FAM81A: variants seen among roughly 807,000 people sequenced by gnomAD.
FAM81A encodes the protein family with sequence similarity 81 member A.
FAM81A carries 19 observed loss-of-function variants against 46.7 expected under a neutral mutation model. The observed-to-expected ratio is 0.41, with a 90% CI of 0.28 to 0.60. The LOEUF is 0.60. Ranked by LOEUF, FAM81A falls within the 20% of genes least tolerant of loss-of-function variation. The pLI is 0.34. For synonymous variants in FAM81A, 183 were observed against 152.9 expected (o/e 1.20, Z -1.45); for missense variants, 377 against 453.5 (o/e 0.83, Z 1.53).
At chr15:59,433,740 A>G (rs1336426067), upstream of FAM81A, among the ~76,000 whole-genome samples, 3 of 152,256 alleles carry the variant, frequency 2.0e-5, no homozygotes, top group Non-Finnish European at 4.4e-5. Flanking sequence ...TATTGTGTTA[A>G]TTGGTTATTA....
chr15:59,516,108 A>G (rs1347472656), intron 7 of FAM81A, among the ~76,000 whole-genome samples: 1 of 150,568 alleles, frequency 6.6e-6, no homozygotes, highest in Non-Finnish European at 1.5e-5. Flanking sequence ...TTGTACTTAC[A>G]TCTCATTGAA....
At chr15:59,452,552 C>CTTGAGCCTAGGAATTGGCTCA (rs2081431662) in intron 1 of FAM81A, among the ~76,000 whole-genome samples, 2 of 152,132 alleles carry the variant, frequency 1.3e-5, no homozygotes, top group Admixed American at 6.5e-5. Flanking sequence ...GAGGCTGAGG[C>CTTGAGCCTAGGAATTGGCTCA]AGGAGGATTG....
intron 3 of FAM81A, among the ~76,000 whole-genome samples, chr15:59,471,085 G>C (rs955868392): frequency 6.6e-6 from 1 of 152,052 alleles, no homozygotes; most frequent in Non-Finnish European, 1.5e-5. Context: ...AAAGTGGTAG[G>C]ATTACAGACA....
intron 3 of FAM81A, among the ~76,000 whole-genome samples, chr15:59,475,150 CTT>C (rs879399876): frequency 1.4e-5 from 2 of 145,606 alleles, no homozygotes. Flanking sequence ...TTTCCAAAAC[CTT>C]TTTTTTTTTT....
In FAM81A at chr15:59,460,634, C is replaced by CA. The variant is rs1488857423; in HGVS notation, c.294+431dup. On this transcript the variant is annotated intron_variant, in intron 3 of 8. Transcript: ENST00000288228. This position sits in a 1 kb window ranked among gnomAD's most constrained non-coding sequence, Gnocchi z 4.4. The stretch of plus-strand genomic sequence containing the variant: ...ATTATATGTAATACAGTTTATTACT[C>CA]AAACAATTTAGGCATTTGGATTGCT... 3 of 242,542 alleles carry CA rather than the reference C, an allele frequency of 1.2e-5. No homozygotes were observed. Among genetic ancestry groups the CA allele is most frequent in the Admixed American group, 5.2e-5 (1 of 19,370 alleles). The allele number at this position is 242,542 out of a possible 1,614,324, so 15.0% of individuals were successfully genotyped here. A position where few individuals can be genotyped will look rare whatever the true frequency, so the allele number is the denominator to read the frequency against.
chr15:59,521,547 T>A lies in FAM81A; in HGVS notation c.*169T>A, dbSNP rs2082328517. On this transcript the variant is annotated 3_prime_UTR_variant, in exon 9 of 9. Coordinates refer to ENST00000288228, the MANE Select transcript of FAM81A (RefSeq NM_152450.3). ...TGTTTACCTTGAGTCTTGAAAATAC[T>A]CTTTTGTTAAAAGTATGAAATACAG... 1 of 644,464 alleles carries A rather than the reference T, an allele frequency of 1.6e-6. No homozygotes were observed. 39.9% of individuals were successfully genotyped at this position (644,464 alleles called of 1,614,324 possible). A position where few individuals can be genotyped will look rare whatever the true frequency, so the allele number is the denominator to read the frequency against.
At chr15:59,467,436 T>A in intron 3 of FAM81A, among the ~76,000 whole-genome samples, 1 of 152,220 alleles carries the variant, frequency 6.6e-6, no homozygotes. Flanking sequence ...CCCTTGTAAG[T>A]TGGATTCCTA....
At chr15:59,440,762 G>A (rs188578535) in intron 1 of FAM81A, among the ~76,000 whole-genome samples, 2 of 152,244 alleles carry the variant, frequency 1.3e-5, no homozygotes, top group Admixed American at 6.5e-5. Flanking sequence ...CAGCCCCTCT[G>A]TGACTCTGTT....
intron 1 of FAM81A, among the ~76,000 whole-genome samples, chr15:59,447,688 C>T (rs1270607123): frequency 2.6e-5 from 4 of 152,192 alleles, no homozygotes; most frequent in Admixed American, 1.3e-4. Context: ...CCTCTTCCTC[C>T]TTCTTTTACC....
Position 59,523,512 on chromosome 15 carries a change from A to AC in FAM81A, c.*2136dup, listed in dbSNP as rs2082347866. The AC allele has an allele frequency of 6.6e-6, 1 of 152,206 alleles. No individual in the cohort carries two copies. The highest frequency in any genetic ancestry group is 2.4e-5 in the African/African-American group (1 of 41,448). The allele number at this position is 152,206 out of a possible 1,614,324, so 9.4% of individuals were successfully genotyped here. A position where few individuals can be genotyped will look rare whatever the true frequency, so the allele number is the denominator to read the frequency against. On this transcript the variant is annotated 3_prime_UTR_variant, in exon 9 of 9. Coordinates refer to ENST00000288228, the MANE Select transcript of FAM81A (RefSeq NM_152450.3). ...AATCAGCTTCCATGTTCTTTCCTTT[A>AC]CCAGAAATTTGCAATAAAAAGAAAA...
chr15:59,474,436 A>G (rs1331719495), intron 3 of FAM81A, among the ~76,000 whole-genome samples: 1 of 152,186 alleles, frequency 6.6e-6, no homozygotes. Context: ...AAGGGCAAGA[A>G]TGATGAATCC....
intron 2 of FAM81A, among the ~76,000 whole-genome samples, chr15:59,421,811 C>CT (rs2081174346): frequency 6.6e-6 from 1 of 150,708 alleles, no homozygotes; most frequent in East Asian, 1.9e-4. Context: ...AACTACCTAC[C>CT]AAAAAAGCAT....
At chr15:59,488,543 A>G (rs1408822598) in intron 3 of FAM81A, among the ~76,000 whole-genome samples, 2 of 152,238 alleles carry the variant, frequency 1.3e-5, no homozygotes, top group Non-Finnish European at 2.9e-5. Flanking sequence ...CCAAAAAACT[A>G]TTAGTACTGA....
At chr15:59,446,897 C>T (rs1431460822) in intron 1 of FAM81A, among the ~76,000 whole-genome samples, 5 of 152,188 alleles carry the variant, frequency 3.3e-5, no homozygotes, top group African/African-American at 1.2e-4. Flanking sequence ...AAACCATAGT[C>T]TTTAAAGCCC....
intron 1 of FAM81A, among the ~76,000 whole-genome samples, chr15:59,452,536 A>C (rs1321985743): frequency 2.6e-5 from 4 of 152,302 alleles, no homozygotes; most frequent in Non-Finnish European, 4.4e-5. Context: ...GGTCCCGGCT[A>C]ATCTGGAGGC....
At chr15:59,514,082 G>C (rs997859881) in intron 6 of FAM81A, among the ~76,000 whole-genome samples, 11 of 152,058 alleles carry the variant, frequency 7.2e-5, no homozygotes, top group African/African-American at 1.9e-4. Context: ...GGGGGCATGG[G>C]GGGGGCAAGG....
At chr15:59,443,633 G>T (rs1224873628) in intron 1 of FAM81A, among the ~76,000 whole-genome samples, 2 of 152,084 alleles carry the variant, frequency 1.3e-5, no homozygotes, top group African/African-American at 4.8e-5. Context: ...GATGACGTTA[G>T]TGCCATCATC....
intron 3 of FAM81A, among the ~76,000 whole-genome samples, chr15:59,466,751 T>A (rs1189063422): frequency 2.0e-5 from 3 of 152,232 alleles, no homozygotes; most frequent in African/African-American, 7.2e-5. Flanking sequence ...TTGCCATTGC[T>A]TTTGGTGTTT....
chr15:59,409,222 G>A (rs2081109801), intron 2 of FAM81A, among the ~76,000 whole-genome samples: 3 of 151,926 alleles, frequency 2.0e-5, no homozygotes, highest in Admixed American at 1.3e-4. Flanking sequence ...TCCAGGTCTG[G>A]GTCCAGTGCA....
Sources: allele counts gnomAD v4.1 joint callset (sites outside exome capture counted in the v4.1 genomes callset), GRCh38; gene constraint gnomAD v4.1.1; non-coding constraint Gnocchi (gnomAD v3.1); transcripts MANE v1.5; gene names NCBI Gene and HGNC (gene_info 2026-07-23, HGNC 2026-07-21).